Variants in CACNA1A observed in about 807,000 individuals in gnomAD.
The protein encoded by CACNA1A is voltage-dependent P/Q-type calcium channel subunit alpha-1A.
In CACNA1A, 57 loss-of-function variants were observed where a neutral mutation model predicts 262.4. The ratio of observed to expected loss-of-function variants is 0.22; its 90% CI spans 0.18 to 0.27. CACNA1A has a LOEUF of 0.27. CACNA1A is among the 10% of genes least tolerant of loss of function. The probability of loss-of-function intolerance (pLI) is 1.00; values close to 1 mark genes in which losing one functional copy is unlikely to be tolerated. For synonymous variants in CACNA1A, 1,431 were observed against 1,419.3 expected (o/e 1.01, Z -0.18); for missense variants, 2,526 against 3,562.8 (o/e 0.71, Z 7.41).
At chr19:13,449,865 G>GTA (rs1568656755) in intron 3 of CACNA1A, among the ~76,000 whole-genome samples, 5 of 152,194 alleles carry the variant, frequency 3.3e-5, no homozygotes, top group African/African-American at 1.2e-4. Flanking sequence ...GTTTTGCTGG[G>GTA]CACAGTGGCT....
At chr19:13,282,755 C>T (rs2144868312) in intron 22 of CACNA1A, among the ~76,000 whole-genome samples, 1 of 152,180 alleles carries the variant, frequency 6.6e-6, no homozygotes, top group African/African-American at 2.4e-5. Context: ...CTTCCTGGGA[C>T]ACAGCAAGTG....
intron 6 of CACNA1A, among the ~76,000 whole-genome samples, chr19:13,355,242 C>T (rs989256182): frequency 2.0e-5 from 3 of 152,164 alleles, no homozygotes; most frequent in Non-Finnish European, 4.4e-5. Context: ...CCAAGGAATC[C>T]CAAAGATTGT....
Position 13,415,743 on chromosome 19 carries a change from T to TAAAAAAA in CACNA1A, c.539+37126_539+37132dup, listed in dbSNP as rs71170510. 8.0e-3 allele frequency among the ~76,000 whole-genome samples: 339 copies of TAAAAAAA among 42,510 alleles called. 11 individuals carry two copies. Among genetic ancestry groups the TAAAAAAA allele is most frequent in the Admixed American group, 9.9e-3 (28 of 2,820 alleles). 27.9% of individuals were successfully genotyped at this position (42,510 alleles called of 152,430 possible). A position where few individuals can be genotyped will look rare whatever the true frequency, so the allele number is the denominator to read the frequency against. ...CAACAGAGCGAGACTCTGTCTCAAT[T>TAAAAAAA]AAAAAAAAAAAAAAAAAAAAAAAAA... On this transcript the variant is annotated intron_variant, in intron 3 of 46. Transcript: ENST00000360228.
In CACNA1A at chr19:13,214,849, G is replaced by T; in HGVS notation, c.5732-241C>A. 1 of 517,096 alleles carries T rather than the reference G, an allele frequency of 1.9e-6. No individual in the cohort carries two copies. Among genetic ancestry groups the T allele is most frequent in the Non-Finnish European group, 3.5e-6 (1 of 289,590 alleles). 32.0% of individuals were successfully genotyped at this position (517,096 alleles called of 1,614,324 possible). On this transcript the variant is annotated intron_variant, in intron 38 of 46. Coordinates refer to ENST00000360228, the MANE Select transcript of CACNA1A (RefSeq NM_001127222.2). The surrounding 1 kb of genome is among the most constrained non-coding windows in gnomAD (Gnocchi z 4.1). ...GAGCAGCTGTGCAGGAGACAGCCCG[G>T]CATGGAGAACAGCTGGGCGACCTGG...
rs551740746 is a variant in CACNA1A, at chr19:13,212,437, T to G, written c.6136A>C (p.Ser2046Arg). The change falls in exon 42 of 47, where the codon AGT (serine) becomes CGT (arginine). Residue 2046 changes from serine (S) to arginine (R), a missense_variant. Physicochemically the swap from Ser to Arg is moderately radical, Grantham distance 110. Coordinates refer to ENST00000360228, the MANE Select transcript of CACNA1A (RefSeq NM_001127222.2). This position sits in a 1 kb window ranked among gnomAD's most constrained non-coding sequence, Gnocchi z 5.6. ...QEMFQKTGTW[S>R]PEQGPPTDMP... The stretch of plus-strand genomic sequence containing the variant: ...TCGGTAGGGGGGCCTTGTTCCGGAC[T>G]CCATGTGCCCGTCTTCTGGAACATC... 1 of 1,612,638 alleles carries G rather than the reference T, an allele frequency of 6.2e-7. No homozygotes were observed. The highest frequency in any genetic ancestry group is 1.7e-5 in the Admixed American group (1 of 59,724).
chr19:13,460,495 T>A (rs2061100712), intron 1 of CACNA1A, among the ~76,000 whole-genome samples: 1 of 152,150 alleles, frequency 6.6e-6, no homozygotes, highest in Non-Finnish European at 1.5e-5. Flanking sequence ...AATGTTGGAA[T>A]GCGACAAAAG....
Position 13,312,789 on chromosome 19 carries a change from G to C in CACNA1A, c.1556-8C>G. On this transcript the variant is annotated splice_region_variant and splice_polypyrimidine_tract_variant and intron_variant, in intron 11 of 46. Coordinates refer to ENST00000360228, the MANE Select transcript of CACNA1A (RefSeq NM_001127222.2). Reference sequence around the variant, plus strand: ...AAATGAATTCTGCATAGTCTAGAAGGGAGAAGGAGGAAACAGAGAGGAGGT... The same window carrying C: ...AAATGAATTCTGCATAGTCTAGAAGCGAGAAGGAGGAAACAGAGAGGAGGT... 7.0e-7 allele frequency: 1 copy of C among 1,436,664 alleles called. No individual in the cohort carries two copies. Among genetic ancestry groups the C allele is most frequent in the Non-Finnish European group, 9.5e-7 (1 of 1,051,334 alleles). The allele number at this position is 1,436,664 out of a possible 1,614,324, so 89.0% of individuals were successfully genotyped here.
At chr19:13,430,597 T>C (rs2060489557) in intron 3 of CACNA1A, among the ~76,000 whole-genome samples, 1 of 152,052 alleles carries the variant, frequency 6.6e-6, no homozygotes, top group African/African-American at 2.4e-5. Flanking sequence ...CCCTGGAAGA[T>C]TTTACTGGCA....
intron 31 of CACNA1A, among the ~76,000 whole-genome samples, chr19:13,239,835 GAC>G (rs776920298): frequency 1.3e-5 from 2 of 152,016 alleles, no homozygotes; most frequent in Non-Finnish European, 2.9e-5. Context: ...GTATGTGAGA[GAC>G]ACAGAGACAG....
intron 3 of CACNA1A, among the ~76,000 whole-genome samples, chr19:13,402,107 G>C (rs1443058610): frequency 6.6e-6 from 1 of 152,272 alleles, no homozygotes; most frequent in African/African-American, 2.4e-5. Flanking sequence ...TGTCTCTCTT[G>C]ATCAGCAAAT....
intron 3 of CACNA1A, among the ~76,000 whole-genome samples, chr19:13,410,858 C>A (rs901254004): frequency 6.6e-6 from 1 of 152,136 alleles, no homozygotes. Flanking sequence ...ACAGCCAGCA[C>A]CCACATTCTT....
chr19:13,317,943 A>T (rs2058159923), intron 10 of CACNA1A, among the ~76,000 whole-genome samples: 1 of 152,210 alleles, frequency 6.6e-6, no homozygotes, highest in South Asian at 2.1e-4. Flanking sequence ...CAGTGGACGT[A>T]ATAAGTAAAT....
chr19:13,223,800 A>T (rs1393254691), intron 38 of CACNA1A, among the ~76,000 whole-genome samples: 1 of 152,046 alleles, frequency 6.6e-6, no homozygotes, highest in Non-Finnish European at 1.5e-5. Flanking sequence ...CTCCCCATCC[A>T]TCTAAAGTGT....
At chr19:13,429,073 T>G (rs560183366) in intron 3 of CACNA1A, among the ~76,000 whole-genome samples, 150 of 151,842 alleles carry the variant, frequency 9.9e-4, no homozygotes, top group African/African-American at 3.4e-3. Flanking sequence ...GCTGACCACC[T>G]TCTGAGCTGG....
rs1246025107 is a variant in CACNA1A at position 13,410,288 on chromosome 19, G to A, written c.540-38509C>T. 4.6e-5 allele frequency among the ~76,000 whole-genome samples: 7 copies of A among 151,534 alleles called. 1 individual carries two copies. The South Asian group carries it at 1.0e-3, about 22-fold the overall frequency. On this transcript the variant is annotated intron_variant, in intron 3 of 46. Coordinates refer to ENST00000360228, the MANE Select transcript of CACNA1A (RefSeq NM_001127222.2). Reference sequence around the variant, plus strand: ...GTTGTCCAGCCTGGAGTGCAGTGGTGTGATCATAGCTCACTGCAGCCTCGA... The same window carrying A: ...GTTGTCCAGCCTGGAGTGCAGTGGTATGATCATAGCTCACTGCAGCCTCGA...
At chr19:13,409,475 T>C (rs978063935) in intron 3 of CACNA1A, among the ~76,000 whole-genome samples, 2 of 152,142 alleles carry the variant, frequency 1.3e-5, no homozygotes, top group African/African-American at 4.8e-5. Flanking sequence ...TGTTGATGTC[T>C]GTATCTCCAG....
At chr19:13,303,938 T>C in intron 15 of CACNA1A, 54 bp from the exon 16 acceptor site, 4 of 1,271,534 alleles carry the variant, frequency 3.1e-6, no homozygotes, top group African/African-American at 1.5e-5. Context: ...CACGGGCCCC[T>C]TGGAGATGCA....
intron 3 of CACNA1A, among the ~76,000 whole-genome samples, chr19:13,420,965 T>C (rs1024247855): frequency 6.6e-6 from 1 of 152,218 alleles, no homozygotes; most frequent in Middle Eastern, 3.2e-3. Flanking sequence ...AAACTACATT[T>C]CCCAGCATCC....
intron 3 of CACNA1A, among the ~76,000 whole-genome samples, chr19:13,418,011 G>A (rs1424209884): frequency 6.6e-6 from 1 of 151,422 alleles, no homozygotes; most frequent in East Asian, 2.0e-4. Flanking sequence ...CTGGCGGTTA[G>A]CACAGTAGAT....
Sources: allele counts gnomAD v4.1 joint callset (sites outside exome capture counted in the v4.1 genomes callset), GRCh38; gene constraint gnomAD v4.1.1; non-coding constraint Gnocchi (gnomAD v3.1); transcripts MANE v1.5; gene names NCBI Gene and HGNC (gene_info 2026-07-23, HGNC 2026-07-21).